The following CTNNA3 variants were observed in gnomAD, a reference collection of about 807,000 sequenced individuals.
The protein encoded by CTNNA3 is catenin alpha-3.
CTNNA3 carries 76 observed loss-of-function variants against 95.7 expected under a neutral mutation model. The ratio of observed to expected loss-of-function variants is 0.79; its 90% CI spans 0.66 to 0.96. The LOEUF (loss-of-function observed/expected upper bound fraction) is 0.96. Ranked by LOEUF, CTNNA3 falls within the 40% of genes least tolerant of loss-of-function variation. The probability of loss-of-function intolerance (pLI) is 0.00; values close to 1 mark genes in which losing one functional copy is unlikely to be tolerated. For missense variants in CTNNA3, 1,191 were observed against 1,089.8 expected, an observed-to-expected ratio of 1.09 and a Z score of -1.31; for synonymous variants, 431 against 374.4, an observed-to-expected ratio of 1.15 and a Z score of -1.74.
At chr10:66,274,999 A>G (rs755766459) in intron 13 of CTNNA3, among the ~76,000 whole-genome samples, 2 of 152,186 alleles carry the variant, frequency 1.3e-5, no homozygotes, top group Non-Finnish European at 2.9e-5. Context: ...ATGCTGTGAT[A>G]TAGTCTACTT....
chr10:67,394,786 C>A (rs1232567979), intron 5 of CTNNA3, among the ~76,000 whole-genome samples: 1 of 151,954 alleles, frequency 6.6e-6, no homozygotes, highest in East Asian at 1.9e-4. Flanking sequence ...GTATTTGTGG[C>A]ATTTTTTTTT....
chr10:67,557,723 A>G (rs955834275), intron 3 of CTNNA3, among the ~76,000 whole-genome samples: 3 of 152,230 alleles, frequency 2.0e-5, no homozygotes, highest in Non-Finnish European at 4.4e-5. Context: ...GGTTGTTTAC[A>G]GAATTTCTGC....
Position 66,665,091 on chromosome 10 carries a change from CT to C in CTNNA3, c.1282-43308del, listed in dbSNP as rs150676348. 3.6e-3 allele frequency among the ~76,000 whole-genome samples: 554 copies of C among 152,212 alleles called. 11 individuals carry two copies. Among genetic ancestry groups the C allele is most frequent in the African/African-American group, 0.012 (516 of 41,542 alleles). ...AAAACAGGTCAGACAGGTTAAGTGA[CT>C]TACCCAAGGTCACACTGCCAACACA... On this transcript the variant is annotated intron_variant, in intron 9 of 17. Transcript: ENST00000433211.
chr10:67,506,540 G>T (rs1309584930), intron 5 of CTNNA3, among the ~76,000 whole-genome samples: 3 of 152,208 alleles, frequency 2.0e-5, no homozygotes, highest in Non-Finnish European at 4.4e-5. Flanking sequence ...ACAAAAGGCT[G>T]CATGACTGGT....
intron 1 of CTNNA3, among the ~76,000 whole-genome samples, chr10:67,656,403 G>A (rs1349030332): frequency 6.6e-6 from 1 of 152,160 alleles, no homozygotes; most frequent in Non-Finnish European, 1.5e-5. Context: ...AATGATGTGA[G>A]ATCAGACGTA....
intron 15 of CTNNA3, among the ~76,000 whole-genome samples, chr10:65,992,365 G>A (rs142951080): frequency 9.9e-5 from 15 of 152,012 alleles, no homozygotes; most frequent in African/African-American, 3.1e-4. Context: ...AGCAATAAAG[G>A]AACCAATTCT....
At chr10:66,631,361 A>G (rs957410616) in intron 9 of CTNNA3, among the ~76,000 whole-genome samples, 2 of 152,206 alleles carry the variant, frequency 1.3e-5, no homozygotes, top group African/African-American at 4.8e-5. Flanking sequence ...ATTAATTTAA[A>G]CATGAATTTG....
intron 3 of CTNNA3, among the ~76,000 whole-genome samples, chr10:67,562,818 A>C (rs1252879578): frequency 2.0e-5 from 3 of 152,088 alleles, no homozygotes; most frequent in Admixed American, 6.5e-5. Flanking sequence ...AATGTGCAAA[A>C]GTCACAAGCA....
intron 5 of CTNNA3, among the ~76,000 whole-genome samples, chr10:67,333,424 G>A (rs1841873513): frequency 6.6e-6 from 1 of 152,114 alleles, no homozygotes; most frequent in Non-Finnish European, 1.5e-5. Flanking sequence ...TATTTTTATG[G>A]TAATTGCAGT....
At chr10:67,719,414 C>T (rs1228524741) in intron 1 of CTNNA3, among the ~76,000 whole-genome samples, 1 of 152,002 alleles carries the variant, frequency 6.6e-6, no homozygotes, top group Admixed American at 6.6e-5. Flanking sequence ...TTAGGTCTTT[C>T]CTGCTTTCTT....
chr10:67,490,435 C>T (rs957136830), intron 5 of CTNNA3, among the ~76,000 whole-genome samples: 2 of 152,092 alleles, frequency 1.3e-5, no homozygotes, highest in African/African-American at 4.8e-5. Flanking sequence ...TACAGAAAAC[C>T]TATGCTGTCA....
intron 11 of CTNNA3, among the ~76,000 whole-genome samples, chr10:66,482,619 T>C (rs954643396): frequency 6.6e-5 from 10 of 152,180 alleles, no homozygotes; most frequent in African/African-American, 2.4e-4. Flanking sequence ...AGTTTACCTG[T>C]ATACGATTGC....
intron 1 of CTNNA3, among the ~76,000 whole-genome samples, chr10:67,717,863 T>C (rs907180709): frequency 1.4e-4 from 21 of 152,308 alleles, no homozygotes; most frequent in African/African-American, 4.8e-4. Flanking sequence ...AGAAAGTCAG[T>C]GGTAGCTTGA....
chr10:66,299,415 C>CA (rs1368891130), intron 12 of CTNNA3, among the ~76,000 whole-genome samples: 7 of 152,170 alleles, frequency 4.6e-5, no homozygotes, highest in African/African-American at 1.7e-4. Context: ...TCAGAAATTA[C>CA]AAAAAATATA....
At chr10:66,777,169 A>T (rs1281117391) in intron 7 of CTNNA3, among the ~76,000 whole-genome samples, 1 of 152,174 alleles carries the variant, frequency 6.6e-6, no homozygotes, top group Admixed American at 6.6e-5. Context: ...AATGGCCATC[A>T]TTGGAGATCA....
intron 10 of CTNNA3, among the ~76,000 whole-genome samples, chr10:66,608,314 C>G (rs761212359): frequency 6.6e-6 from 1 of 151,824 alleles, no homozygotes; most frequent in African/African-American, 2.4e-5. Flanking sequence ...AAACAAATGG[C>G]GAAACGTCCC....
intron 10 of CTNNA3, among the ~76,000 whole-genome samples, chr10:66,564,418 C>T (rs951881933): frequency 1.3e-5 from 2 of 152,090 alleles, no homozygotes; most frequent in African/African-American, 4.8e-5. Context: ...TCCCTGTTTA[C>T]CTCATGGGCC....
chr10:67,727,744 GCTTA>G lies in CTNNA3; in HGVS notation c.-2+35686_-2+35689del, dbSNP rs1480948923. ...ACTAGTCACTGTTGAGGAAGTCATA[GCTTA>G]CTTATATTATATATTATATATAATA... On this transcript the variant is annotated intron_variant, in intron 1 of 17. Transcript: ENST00000684154. Among the ~76,000 whole-genome samples, 7 of 124,526 alleles carry G rather than the reference GCTTA, an allele frequency of 5.6e-5. No homozygotes were observed. The South Asian group carries it at 1.4e-3, about 25-fold the overall frequency. 81.7% of individuals were successfully genotyped at this position (124,526 alleles called of 152,430 possible).
chr10:66,422,823 T>A (rs984538883), intron 11 of CTNNA3, among the ~76,000 whole-genome samples: 9 of 151,924 alleles, frequency 5.9e-5, no homozygotes, highest in African/African-American at 2.2e-4. Context: ...AGAGATGGGG[T>A]TTCGCCATGT....
Sources: gnomAD v4.1 joint callset for allele counts (sites outside exome capture counted in the v4.1 genomes callset) on GRCh38, gnomAD v4.1.1 for gene constraint, MANE v1.5 for transcripts, NCBI Gene and HGNC (gene_info 2026-07-23, HGNC 2026-07-21) for gene names.